MEGF11: variants seen among roughly 807,000 people sequenced by gnomAD.
MEGF11 encodes the protein multiple EGF like domains 11.
A neutral mutation model predicts 146.6 loss-of-function variants in MEGF11; 126 were observed. The observed-to-expected ratio is 0.86, with a 90% confidence interval of 0.74 to 1.00. The LOEUF is 1.00. Among genes scored for constraint, MEGF11 ranks in the 50% least tolerant of loss-of-function variants. The pLI, the probability that MEGF11 is intolerant of heterozygous loss-of-function variation, is 0.00. For synonymous variants in MEGF11, 532 were observed against 583.4 expected, an observed-to-expected ratio of 0.91 and a Z score of 1.27; for missense variants, 1,509 against 1,521.2, an observed-to-expected ratio of 0.99 and a Z score of 0.13.
At chr15:66,251,562 G>A (rs1009449870) in intron 1 of MEGF11, among the ~76,000 whole-genome samples, 1 of 152,146 alleles carries the variant, frequency 6.6e-6, no homozygotes, top group Admixed American at 6.5e-5. Context: ...CACCTAACCC[G>A]AAAATCCAGA....
chr15:66,114,274 T>C (rs760172118), intron 4 of MEGF11, among the ~76,000 whole-genome samples: 7 of 152,236 alleles, frequency 4.6e-5, no homozygotes, highest in Admixed American at 6.5e-5. Flanking sequence ...CCCTCTTCTC[T>C]CTGCCACAGC....
At position 66,040,930 on chromosome 15, in the gene MEGF11, C is replaced by T. The variant is rs370154080; in HGVS notation, c.394+53472G>A. 7.9e-3 allele frequency among the ~76,000 whole-genome samples: 1,197 copies of T among 150,986 alleles called. 23 individuals are homozygous for T. The highest frequency in any genetic ancestry group is 0.027 in the African/African-American group (1,126 of 41,164). ...GGAAGGGACTTTTTTTTTTTTTCCC[C>T]CCCGGTTTTCACAAAGAGGCCACTT... On this transcript the variant is annotated intron_variant, in intron 5 of 25. Transcript: ENST00000395614.
intron 17 of MEGF11, chr15:65,916,524 G>C: frequency 1.5e-6 from 1 of 654,756 alleles, no homozygotes; most frequent in Non-Finnish European, 2.6e-6. Flanking sequence ...CTTCCTGTGT[G>C]GACACAGGCT....
At chr15:66,207,064 G>A (rs952016092) in intron 1 of MEGF11, among the ~76,000 whole-genome samples, 22 of 152,036 alleles carry the variant, frequency 1.4e-4, no homozygotes, top group African/African-American at 5.3e-4. Context: ...GCCATAATAC[G>A]CCATGAAGCA....
intron 2 of MEGF11, among the ~76,000 whole-genome samples, 184 bp downstream of exon 2, chr15:66,128,122 C>A (rs2088463107): frequency 6.6e-6 from 1 of 151,238 alleles, no homozygotes; most frequent in African/African-American, 2.4e-5. Flanking sequence ...GTTGCCTCCA[C>A]CCTGACCTTC....
At chr15:65,977,241 A>G (rs1246149837) in intron 7 of MEGF11, among the ~76,000 whole-genome samples, 1 of 151,984 alleles carries the variant, frequency 6.6e-6, no homozygotes, top group African/African-American at 2.4e-5. Context: ...ACTTAAGGCC[A>G]TGCCAGCTCT....
rs552669353 is a variant in MEGF11 at position 65,931,236 on chromosome 15, C to T, written c.1288-293G>A. On this transcript the variant is annotated intron_variant, in intron 10 of 25. Transcript: ENST00000395614. ...GTCAGAGAGATACACCATGAGGAGC[C>T]CTCCACCCGCTTGTGCTGACTTTGA... Among the ~76,000 whole-genome samples, 21 of 152,212 alleles carry T rather than the reference C, an allele frequency of 1.4e-4. No individual in the cohort carries two copies. The South Asian group carries it at 3.5e-3, about 26-fold the overall frequency.
At position 66,000,811 on chromosome 15, in the gene MEGF11, A is replaced by G. The variant is rs193296763; in HGVS notation, c.395-18323T>C. Among the ~76,000 whole-genome samples the G allele has an allele frequency of 1.2e-4, 19 of 152,310 alleles. No individual in the cohort carries two copies. In the East Asian group the frequency reaches 2.1e-3, roughly 17 times the overall value. On this transcript the variant is annotated intron_variant, in intron 5 of 25. Coordinates refer to ENST00000395614, the MANE Select transcript of MEGF11 (RefSeq NM_001385028.1). ...AAAGACAATGGCTAAATCACACTAA[A>G]AGTGGAGAAGCGAAAGGCCCCAGGA...
At chr15:66,049,041 G>A (rs925044815) in intron 5 of MEGF11, among the ~76,000 whole-genome samples, 3 of 152,184 alleles carry the variant, frequency 2.0e-5, no homozygotes, top group Non-Finnish European at 4.4e-5. Context: ...AGAGAGCTGG[G>A]GCCAGAGTGG....
rs1214446643 is a variant in MEGF11, at chr15:66,123,947, T to A, written c.152A>T (p.Tyr51Phe). The A allele has an allele frequency of 8.7e-6, 14 of 1,614,026 alleles. No homozygotes were observed. Among genetic ancestry groups the A allele is most frequent in the South Asian group, 1.1e-5 (1 of 91,088 alleles). ...SYAHPFDQIY[Y>F]TRCTDILNWF... Reference sequence around the variant, plus strand: ...GTTGAGGATGTCTGTGCATCGTGTGTAATAGATCTGATCGAAGGGGTGTGC... The same window carrying A: ...GTTGAGGATGTCTGTGCATCGTGTGAAATAGATCTGATCGAAGGGGTGTGC... The change falls in exon 3 of 26, where the codon TAC (tyrosine) becomes TTC (phenylalanine). Residue 51 changes from tyrosine (Y) to phenylalanine (F), a missense_variant. Physicochemically the swap from Tyr to Phe is conservative, Grantham distance 22. Transcript: ENST00000395614.
At chr15:66,003,517 T>C (rs978548317) in intron 5 of MEGF11, among the ~76,000 whole-genome samples, 3 of 152,216 alleles carry the variant, frequency 2.0e-5, no homozygotes, top group Non-Finnish European at 1.5e-5. Context: ...AGTTGCCTTA[T>C]CTGCCAAGCA....
chr15:65,970,654 T>C lies in MEGF11; in HGVS notation c.798A>G (p.Thr266=), dbSNP rs1349695133. Residue 266 remains threonine, a synonymous_variant, in exon 8 of 26, where the codon ACA becomes ACG. Coordinates refer to ENST00000395614, the MANE Select transcript of MEGF11 (RefSeq NM_001385028.1). ...AATCCTGGCTGCAGTTCTGGCCAAA[T>C]GTCCCTGGTGGGCAGGGCTGGGCAC... The part of the protein sequence containing the change: ...AVCAQPCPPG[T]FGQNCSQDCP... 6.2e-7 allele frequency: 1 copy of C among 1,613,204 alleles called. No individual in the cohort carries two copies. The highest frequency in any genetic ancestry group is 1.7e-5 in the Admixed American group (1 of 59,896).
chr15:66,172,009 G>A (rs1329870172), intron 1 of MEGF11, among the ~76,000 whole-genome samples: 1 of 152,194 alleles, frequency 6.6e-6, no homozygotes, highest in Non-Finnish European at 1.5e-5. Flanking sequence ...ACACTGATTG[G>A]TAAAGCCCCG....
At chr15:66,043,618 G>C (rs991180767) in intron 5 of MEGF11, among the ~76,000 whole-genome samples, 3 of 152,232 alleles carry the variant, frequency 2.0e-5, no homozygotes, top group African/African-American at 7.2e-5. Flanking sequence ...GCAATCTAAG[G>C]AACGTCCTAC....
At chr15:66,124,868 T>C (rs543614611) in intron 2 of MEGF11, among the ~76,000 whole-genome samples, 34 of 152,374 alleles carry the variant, frequency 2.2e-4, no homozygotes, top group African/African-American at 7.9e-4. Flanking sequence ...TGAGGACTCA[T>C]GTTTCCTAAG....
intron 10 of MEGF11, among the ~76,000 whole-genome samples, chr15:65,950,238 AT>A (rs1443658154): frequency 6.6e-6 from 1 of 152,240 alleles, no homozygotes; most frequent in Non-Finnish European, 1.5e-5. Flanking sequence ...TTGCTAATTA[AT>A]TTAGTCAGCC....
intron 1 of MEGF11, among the ~76,000 whole-genome samples, chr15:66,184,942 T>C (rs2141166468): frequency 6.6e-6 from 1 of 152,092 alleles, no homozygotes; most frequent in East Asian, 1.9e-4. Flanking sequence ...TTCCTTTCCT[T>C]CCAAGCACTC....
At chr15:65,934,323 C>G (rs11635897) in intron 10 of MEGF11, among the ~76,000 whole-genome samples, 9,455 of 152,288 alleles carry the variant, frequency 0.062, 422 homozygotes, top group Non-Finnish European at 0.093. Flanking sequence ...ACGATCTTGG[C>G]TCACTGCAAC....
chr15:66,166,075 A>C (rs2090089182), intron 1 of MEGF11, among the ~76,000 whole-genome samples: 1 of 152,116 alleles, frequency 6.6e-6, no homozygotes, highest in Admixed American at 6.5e-5. Flanking sequence ...CCATAGTTAC[A>C]TCAGCAGGGC....
Sources: allele counts gnomAD v4.1 joint callset (sites outside exome capture counted in the v4.1 genomes callset), GRCh38; gene constraint gnomAD v4.1.1; transcripts MANE v1.5; gene names NCBI Gene and HGNC (gene_info 2026-07-23, HGNC 2026-07-21).